ASAP1: variants seen among roughly 807,000 people sequenced by gnomAD.
ASAP1 encodes arf-GAP with SH3 domain, ANK repeat and PH domain-containing protein 1.
In ASAP1, 43 loss-of-function variants were observed where a neutral mutation model predicts 145.2. That is an observed-to-expected ratio of 0.30 (90% CI 0.23 to 0.38). The LOEUF is 0.38. ASAP1 is among the 10% of genes least tolerant of loss of function. The pLI is 1.00. For missense variants in ASAP1, 1,018 were observed against 1,355.3 expected (o/e 0.75, Z 3.91); for synonymous variants, 546 against 515.5 (o/e 1.06, Z -0.80).
At chr8:130,118,071 C>T in intron 20 of ASAP1, 90 bp downstream of exon 20, 1 of 1,102,600 alleles carries the variant, frequency 9.1e-7, no homozygotes, top group Non-Finnish European at 1.3e-6. Context: ...AAAAGCTTGC[C>T]AATTCCCGAT....
chr8:130,169,142 A>G (rs1253748122), intron 9 of ASAP1, 75 bp from the exon 10 acceptor site: 5 of 905,418 alleles, frequency 5.5e-6, no homozygotes, highest in East Asian at 2.5e-5. Context: ...GTGGAAATAA[A>G]AAAAGGAACT....
At chr8:130,386,196 C>T (rs965491822) in intron 2 of ASAP1, among the ~76,000 whole-genome samples, 14 of 152,062 alleles carry the variant, frequency 9.2e-5, no homozygotes, top group African/African-American at 3.1e-4. Context: ...AGGAAGGGGG[C>T]GAGAGATTCA....
At chr8:130,364,625 T>C (rs1826867144) in intron 2 of ASAP1, among the ~76,000 whole-genome samples, 1 of 152,184 alleles carries the variant, frequency 6.6e-6, no homozygotes, top group African/African-American at 2.4e-5. Context: ...GGGAACTCAT[T>C]ACAAGCCCAA....
chr8:130,261,967 T>C (rs1430640527), intron 3 of ASAP1, among the ~76,000 whole-genome samples: 1 of 152,088 alleles, frequency 6.6e-6, no homozygotes, highest in Non-Finnish European at 1.5e-5. Context: ...TAAACAGGTA[T>C]AAAACTTAAC....
chr8:130,167,403 T>C (rs1173333322), intron 11 of ASAP1, 133 bp downstream of exon 11: 2 of 814,302 alleles, frequency 2.5e-6, no homozygotes, highest in Non-Finnish European at 4.4e-6. Context: ...AGTTTCTACA[T>C]GGGGCTTATG....
At chr8:130,242,280 A>AG (rs965894668) in intron 3 of ASAP1, among the ~76,000 whole-genome samples, 3 of 150,788 alleles carry the variant, frequency 2.0e-5, no homozygotes, top group African/African-American at 7.3e-5. Context: ...AAAAAAAAAA[A>AG]AAACAACTTT....
chr8:130,223,541 T>C (rs944481743), intron 4 of ASAP1, among the ~76,000 whole-genome samples: 1 of 152,222 alleles, frequency 6.6e-6, no homozygotes, highest in Non-Finnish European at 1.5e-5. Flanking sequence ...TGACTGTGGA[T>C]CAAATTCCAG....
chr8:130,254,493 T>G (rs572290131), intron 3 of ASAP1, among the ~76,000 whole-genome samples: 40 of 152,174 alleles, frequency 2.6e-4, no homozygotes, highest in Non-Finnish European at 5.3e-4. Context: ...AAAGGCAAAT[T>G]TATAGTTAAA....
At chr8:130,239,315 C>T (rs1410384843) in intron 3 of ASAP1, among the ~76,000 whole-genome samples, 1 of 152,058 alleles carries the variant, frequency 6.6e-6, no homozygotes, top group African/African-American at 2.4e-5. Flanking sequence ...AGAAAGCATG[C>T]TAAGAGGTTT....
At chr8:130,209,522 T>C (rs1223720868) in intron 5 of ASAP1, among the ~76,000 whole-genome samples, 1 of 151,416 alleles carries the variant, frequency 6.6e-6, no homozygotes, top group Admixed American at 6.6e-5. Context: ...CTAAAGTTAC[T>C]GTATTCTTCA....
chr8:130,153,112 C>T (rs535364764), intron 12 of ASAP1, among the ~76,000 whole-genome samples: 5 of 151,318 alleles, frequency 3.3e-5, no homozygotes, highest in South Asian at 2.1e-4. Flanking sequence ...CTCCATCTCC[C>T]GGGTTGAAGC....
chr8:130,088,449 TGA>T (rs1158801672), intron 25 of ASAP1, among the ~76,000 whole-genome samples: 1 of 151,984 alleles, frequency 6.6e-6, no homozygotes, highest in Admixed American at 6.6e-5. Context: ...CGTACACTTA[TGA>T]GAGAGAGGCA....
chr8:130,252,786 G>A (rs777195020), intron 3 of ASAP1, among the ~76,000 whole-genome samples: 11 of 152,118 alleles, frequency 7.2e-5, no homozygotes, highest in Non-Finnish European at 1.3e-4. Context: ...GGTACAACAA[G>A]GTATTTAAAG....
intron 3 of ASAP1, among the ~76,000 whole-genome samples, chr8:130,302,326 G>T (rs1344709918): frequency 6.6e-6 from 1 of 152,226 alleles, no homozygotes; most frequent in African/African-American, 2.4e-5. Flanking sequence ...TATGTCTATG[G>T]TGTGTACTGG....
At chr8:130,310,909 C>T (rs761510108) in intron 3 of ASAP1, among the ~76,000 whole-genome samples, 8 of 152,172 alleles carry the variant, frequency 5.3e-5, no homozygotes, top group Non-Finnish European at 1.0e-4. Context: ...ACTTTGAGAA[C>T]CCACTGTACA....
chr8:130,247,547 A>G (rs549872468), intron 3 of ASAP1, among the ~76,000 whole-genome samples: 64 of 152,174 alleles, frequency 4.2e-4, no homozygotes, highest in Admixed American at 7.2e-4. Flanking sequence ...AACAACAAGG[A>G]TTCAGTCATC....
intron 3 of ASAP1, among the ~76,000 whole-genome samples, chr8:130,321,765 C>A (rs1015168576): frequency 6.6e-6 from 1 of 152,120 alleles, no homozygotes; most frequent in Non-Finnish European, 1.5e-5. Context: ...AGAAAGATAC[C>A]ACGTTTGTCT....
chr8:130,262,373 C>A (rs1819952627), intron 3 of ASAP1, among the ~76,000 whole-genome samples: 1 of 107,242 alleles, frequency 9.3e-6, no homozygotes. Flanking sequence ...CCAGCCTGGG[C>A]AACAGTGAGA....
intron 1 of ASAP1, among the ~76,000 whole-genome samples, chr8:130,423,867 A>G (rs1829814991): frequency 6.6e-6 from 1 of 152,134 alleles, no homozygotes; most frequent in East Asian, 1.9e-4. Flanking sequence ...GTAATTGTGC[A>G]GAAAGTACTT....
Sources: allele counts gnomAD v4.1 joint callset (sites outside exome capture counted in the v4.1 genomes callset), GRCh38; gene constraint gnomAD v4.1.1; transcripts MANE v1.5; gene names NCBI Gene and HGNC (gene_info 2026-07-23, HGNC 2026-07-21).